The following PCGF5 variants were observed in gnomAD, a reference collection of about 807,000 sequenced individuals.
PCGF5 encodes polycomb group ring finger 5.
In PCGF5, 9 loss-of-function variants were observed where a neutral mutation model predicts 44.3. That is an observed-to-expected ratio of 0.20 (90% CI 0.12 to 0.35). The LOEUF (loss-of-function observed/expected upper bound fraction) is 0.35. Ranked by LOEUF, PCGF5 falls within the 10% of genes least tolerant of loss-of-function variation. The pLI, the probability that PCGF5 is intolerant of heterozygous loss-of-function variation, is 1.00. For missense variants in PCGF5, 146 were observed against 305.3 expected (o/e 0.48, Z 3.89); for synonymous variants, 95 against 102.5 (o/e 0.93, Z 0.44).
At position 91,278,413 on chromosome 10, in the gene PCGF5, AC is replaced by A; in HGVS notation, c.*99del. The A allele has an allele frequency of 9.0e-7, 1 of 1,110,246 alleles. No individual in the cohort carries two copies. The highest frequency in any genetic ancestry group is 1.4e-6 in the Non-Finnish European group (1 of 730,444). 68.8% of individuals were successfully genotyped at this position (1,110,246 alleles called of 1,614,324 possible). A position where few individuals can be genotyped will look rare whatever the true frequency, so the allele number is the denominator to read the frequency against. ...ACGGTGTGTGGACTAGAGGAACACA[AC>A]CAGATTTTCAGCATGCAAATAAGGC... On this transcript the variant is annotated 3_prime_UTR_variant, in exon 10 of 10. Coordinates refer to ENST00000336126, the MANE Select transcript of PCGF5 (RefSeq NM_032373.5).
At chr10:91,205,041 G>T (rs2133240824) in intron 1 of PCGF5, among the ~76,000 whole-genome samples, 1 of 152,210 alleles carries the variant, frequency 6.6e-6, no homozygotes, top group South Asian at 2.1e-4. Context: ...AAAATTTTAT[G>T]AGTAAACTAA....
At chr10:91,243,385 A>G (rs1845379152) in intron 3 of PCGF5, among the ~76,000 whole-genome samples, 1 of 152,212 alleles carries the variant, frequency 6.6e-6, no homozygotes, top group South Asian at 2.1e-4. Flanking sequence ...GTTAGCCAGA[A>G]ATAAGGGGAA....
intron 1 of PCGF5, among the ~76,000 whole-genome samples, chr10:91,221,728 A>G (rs985715089): frequency 2.0e-5 from 3 of 152,178 alleles, no homozygotes; most frequent in Non-Finnish European, 2.9e-5. Flanking sequence ...ACAGTTAAAA[A>G]AAAAAAAAAA....
chr10:91,206,010 C>T (rs765983697), intron 1 of PCGF5, among the ~76,000 whole-genome samples: 23 of 152,020 alleles, frequency 1.5e-4, no homozygotes, highest in Non-Finnish European at 2.8e-4. Flanking sequence ...TGACGGACCG[C>T]GACTCTGTCA....
chr10:91,220,879 C>T (rs1184666387), intron 1 of PCGF5, 43 bp downstream of exon 1: 1 of 152,694 alleles, frequency 6.5e-6, no homozygotes, highest in Admixed American at 6.5e-5. Context: ...ACGCCAGACT[C>T]CTCACCCAAG....
At chr10:91,211,079 A>G (rs1037490672) in intron 1 of PCGF5, among the ~76,000 whole-genome samples, 16 of 152,174 alleles carry the variant, frequency 1.1e-4, no homozygotes, top group African/African-American at 3.6e-4. Context: ...AATGGAGTGC[A>G]TTTTATTTTT....
chr10:91,163,485 G>T (rs1010385851), intron 1 of PCGF5, among the ~76,000 whole-genome samples: 5 of 151,992 alleles, frequency 3.3e-5, no homozygotes, highest in Non-Finnish European at 7.4e-5. Flanking sequence ...TGTGACGCTC[G>T]CGGCTTCCTG....
In PCGF5 at chr10:91,280,423, T is replaced by TA. The variant is rs1273259143; in HGVS notation, c.*2109dup. ...ATTTGGCTGGTTGCCTTGTCATATG[T>TA]AATTTCACTATTTTCCAAGGAAATA... On this transcript the variant is annotated 3_prime_UTR_variant, in exon 10 of 10. Transcript: ENST00000336126. 7.2e-5 allele frequency: 11 copies of TA among 152,464 alleles called. No individual in the cohort carries two copies. The highest frequency in any genetic ancestry group is 1.0e-4 in the Non-Finnish European group (7 of 67,920). The allele number at this position is 152,464 out of a possible 1,614,324, so 9.4% of individuals were successfully genotyped here.
chr10:91,171,103 T>C (rs1339570954), intron 1 of PCGF5, among the ~76,000 whole-genome samples: 1 of 152,154 alleles, frequency 6.6e-6, no homozygotes, highest in Admixed American at 6.5e-5. Context: ...GATGAACAGG[T>C]ATAGCACAGA....
chr10:91,168,647 G>A (rs949955322), intron 1 of PCGF5, among the ~76,000 whole-genome samples: 6 of 152,052 alleles, frequency 3.9e-5, no homozygotes, highest in Admixed American at 1.3e-4. Flanking sequence ...AAACAAAACC[G>A]GCAGGGCATG....
intron 1 of PCGF5, among the ~76,000 whole-genome samples, chr10:91,178,421 GC>G (rs1214277353): frequency 6.8e-6 from 1 of 146,714 alleles, no homozygotes; most frequent in East Asian, 2.0e-4. Flanking sequence ...ATAGGGTCTT[GC>G]TCTGTTGCCC....
chr10:91,237,099 G>A (rs1378073362), intron 2 of PCGF5, among the ~76,000 whole-genome samples: 1 of 152,120 alleles, frequency 6.6e-6, no homozygotes, highest in Non-Finnish European at 1.5e-5. Context: ...TAGACAACTT[G>A]CTCAAATTCT....
chr10:91,223,342 G>T (rs778472042), intron 2 of PCGF5, among the ~76,000 whole-genome samples: 2 of 151,916 alleles, frequency 1.3e-5, no homozygotes, highest in Non-Finnish European at 1.5e-5. Context: ...CTCTTAATTC[G>T]CTGGTTCTCA....
chr10:91,222,662 A>T, intron 1 of PCGF5, 27 bp from the exon 2 acceptor site: 3 of 516,598 alleles, frequency 5.8e-6, no homozygotes, highest in Non-Finnish European at 1.0e-5. Context: ...TTTTTCTCTC[A>T]TCTTTTTGAA....
At position 91,249,995 on chromosome 10, in the gene PCGF5, C is replaced by T. The variant is rs780572178; in HGVS notation, c.325+1271C>T. Among the ~76,000 whole-genome samples the T allele has an allele frequency of 4.6e-5, 7 of 152,044 alleles. No homozygotes were observed. The East Asian group carries it at 9.6e-4, about 21-fold the overall frequency. ...CCTGAGGGATTGTCATCAGAAGTTA[C>T]GTGGTAGGTTTACTCTATGGTTCTA... On this transcript the variant is annotated intron_variant, in intron 5 of 9. Coordinates refer to ENST00000336126, the MANE Select transcript of PCGF5 (RefSeq NM_032373.5).
intron 1 of PCGF5, among the ~76,000 whole-genome samples, chr10:91,193,813 T>C: frequency 6.6e-6 from 1 of 152,034 alleles, no homozygotes; most frequent in Admixed American, 6.6e-5. Context: ...GGAGACCAAT[T>C]AGGAAGTGAT....
intron 9 of PCGF5, among the ~76,000 whole-genome samples, chr10:91,274,353 G>A (rs1846255921): frequency 6.6e-6 from 1 of 152,122 alleles, no homozygotes; most frequent in Admixed American, 6.5e-5. Flanking sequence ...ATATTTTAAA[G>A]CTGAAGTAAT....
chr10:91,231,140 T>A (rs962346767), intron 2 of PCGF5, among the ~76,000 whole-genome samples: 1 of 152,230 alleles, frequency 6.6e-6, no homozygotes, highest in Non-Finnish European at 1.5e-5. Context: ...CCCACTTGAC[T>A]GCAATAGTAA....
chr10:91,181,158 G>T (rs527784406), intron 1 of PCGF5, among the ~76,000 whole-genome samples: 1 of 151,918 alleles, frequency 6.6e-6, no homozygotes, highest in African/African-American at 2.4e-5. Context: ...GACCCTTGTT[G>T]GTATATAGGA....
Sources: gnomAD v4.1 joint callset for allele counts (sites outside exome capture counted in the v4.1 genomes callset) on GRCh38, gnomAD v4.1.1 for gene constraint, MANE v1.5 for transcripts, NCBI Gene and HGNC (gene_info 2026-07-23, HGNC 2026-07-21) for gene names.